Variants in DOCK3 observed in about 807,000 individuals in gnomAD.
The protein encoded by DOCK3 is dedicator of cytokinesis 3.
Under a neutral mutation model 265.6 loss-of-function variants are expected in DOCK3, and 60 were observed. That is an observed-to-expected ratio of 0.23 (90% CI 0.18 to 0.28). The LOEUF (loss-of-function observed/expected upper bound fraction) is 0.28, where lower values mean the gene tolerates loss of function less well. Among genes scored for constraint, DOCK3 ranks in the 10% least tolerant of loss-of-function variants. The pLI is 1.00. For synonymous variants in DOCK3, 881 were observed against 938.0 expected, an observed-to-expected ratio of 0.94 and a Z score of 1.11; for missense variants, 1,981 against 2,594.3, an observed-to-expected ratio of 0.76 and a Z score of 5.14.
intron 1 of DOCK3, among the ~76,000 whole-genome samples, chr3:50,727,243 A>G (rs879657668): frequency 6.6e-6 from 1 of 152,264 alleles, no homozygotes; most frequent in South Asian, 2.1e-4. Flanking sequence ...GAGGAAAAGT[A>G]CTTTAAAGAT....
chr3:51,057,962 GC>G (rs1292094297), intron 5 of DOCK3, among the ~76,000 whole-genome samples: 1 of 152,124 alleles, frequency 6.6e-6, no homozygotes, highest in Non-Finnish European at 1.5e-5. Flanking sequence ...ACCATCCAAA[GC>G]TTAGTGGCTT....
In DOCK3 at chr3:51,381,573, G is replaced by A. The variant is rs781866623; in HGVS notation, c.*14G>A. The A allele has an allele frequency of 5.4e-5, 81 of 1,490,918 alleles. No individual in the cohort carries two copies. Among genetic ancestry groups the A allele is most frequent in the Non-Finnish European group, 6.9e-5 (78 of 1,125,260 alleles). 92.4% of individuals were successfully genotyped at this position (1,490,918 alleles called of 1,614,324 possible). A position where few individuals can be genotyped will look rare whatever the true frequency, so the allele number is the denominator to read the frequency against. On this transcript the variant is annotated 3_prime_UTR_variant, in exon 53 of 53. Coordinates refer to ENST00000266037, the MANE Select transcript of DOCK3 (RefSeq NM_004947.5). The surrounding 1 kb of genome is among the most constrained non-coding windows in gnomAD (Gnocchi z 5.6). ...GGGGAGCAGTGAGGGGCAACGAGGC[G>A]GCTGGGATGCCGCCCTCAGTAAGCA...
At chr3:50,764,656 A>C (rs945895389) in intron 1 of DOCK3, among the ~76,000 whole-genome samples, 1 of 152,208 alleles carries the variant, frequency 6.6e-6, no homozygotes, top group African/African-American at 2.4e-5. Context: ...AAATTTAAGA[A>C]TTAGCAGCTC....
At chr3:51,370,087 C>T (rs1475109969) in intron 49 of DOCK3, among the ~76,000 whole-genome samples, 1 of 152,150 alleles carries the variant, frequency 6.6e-6, no homozygotes, top group East Asian at 1.9e-4. Flanking sequence ...AAGCTGCAGA[C>T]ATAGAGAAGG....
intron 27 of DOCK3, among the ~76,000 whole-genome samples, chr3:51,291,713 A>C (rs958390874): frequency 1.3e-5 from 2 of 152,212 alleles, no homozygotes; most frequent in African/African-American, 4.8e-5. Flanking sequence ...TTTCTTAAAA[A>C]TTGAAGAGGA....
At chr3:50,818,289 T>TG (rs2044206465) in intron 2 of DOCK3, among the ~76,000 whole-genome samples, 1 of 152,268 alleles carries the variant, frequency 6.6e-6, no homozygotes, top group Non-Finnish European at 1.5e-5. Context: ...CTGAATTGTC[T>TG]GATGCCTTGA....
intron 5 of DOCK3, among the ~76,000 whole-genome samples, chr3:51,023,727 C>T (rs991232202): frequency 2.0e-5 from 3 of 152,088 alleles, no homozygotes; most frequent in African/African-American, 4.8e-5. Context: ...TTGATTTTTT[C>T]TTTATAGTTA....
In DOCK3 at chr3:50,808,137, A is replaced by G. The variant is rs77907284; in HGVS notation, c.121+29379A>G. On this transcript the variant is annotated intron_variant, in intron 2 of 52. Transcript: ENST00000266037. ...TATTTATAGTAGTATCAAATGTATCAAATGCTAAGGAATGAAATCTAATAA... is the reference window on the plus strand; with the variant it reads ...TATTTATAGTAGTATCAAATGTATCGAATGCTAAGGAATGAAATCTAATAA... 2.5e-3 allele frequency among the ~76,000 whole-genome samples: 385 copies of G among 152,370 alleles called. 14 individuals carry two copies. The East Asian group carries it at 0.057, about 22-fold the overall frequency.
intron 3 of DOCK3, among the ~76,000 whole-genome samples, chr3:50,888,591 T>G (rs928532859): frequency 1.3e-5 from 2 of 152,048 alleles, no homozygotes; most frequent in African/African-American, 2.4e-5. Flanking sequence ...GGAGGCATCA[T>G]GCTACCTGAC....
intron 3 of DOCK3, among the ~76,000 whole-genome samples, chr3:50,857,827 G>A (rs1304391619): frequency 2.0e-5 from 3 of 152,212 alleles, no homozygotes; most frequent in African/African-American, 7.2e-5. Context: ...TACACTGTTG[G>A]TGGGAGTGTA....
At chr3:51,068,112 A>G (rs1376238906) in intron 6 of DOCK3, among the ~76,000 whole-genome samples, 2 of 152,198 alleles carry the variant, frequency 1.3e-5, no homozygotes, top group Non-Finnish European at 2.9e-5. Flanking sequence ...AAGCTCTTAC[A>G]CAGACATTAT....
chr3:50,791,072 T>C (rs2042451456), intron 2 of DOCK3, among the ~76,000 whole-genome samples: 1 of 152,100 alleles, frequency 6.6e-6, no homozygotes, highest in African/African-American at 2.4e-5. Context: ...TTTACTCTGT[T>C]GATAGTTTCT....
chr3:51,077,066 A>C (rs2082080579), intron 7 of DOCK3, among the ~76,000 whole-genome samples: 2 of 152,186 alleles, frequency 1.3e-5, no homozygotes, highest in Admixed American at 6.5e-5. Flanking sequence ...ATAAAATGCA[A>C]AAGACTGGAA....
At chr3:50,906,645 A>T (rs1438023476) in intron 4 of DOCK3, among the ~76,000 whole-genome samples, 1 of 151,486 alleles carries the variant, frequency 6.6e-6, no homozygotes, top group Non-Finnish European at 1.5e-5. Context: ...CTATTTGGTT[A>T]TTCTCTCTTT....
chr3:51,134,281 T>G (rs979465706), intron 9 of DOCK3, among the ~76,000 whole-genome samples: 1 of 152,126 alleles, frequency 6.6e-6, no homozygotes, highest in Non-Finnish European at 1.5e-5. Flanking sequence ...TTTATATTCC[T>G]TTGGGTATAC....
chr3:50,705,623 G>T (rs181772803), intron 1 of DOCK3, among the ~76,000 whole-genome samples: 54 of 152,128 alleles, frequency 3.5e-4, no homozygotes, highest in African/African-American at 1.3e-3. Flanking sequence ...CACCATGCTG[G>T]CCAGGCTGGT....
intron 22 of DOCK3, among the ~76,000 whole-genome samples, chr3:51,249,311 C>T (rs561939644): frequency 1.4e-5 from 2 of 140,904 alleles, no homozygotes; most frequent in South Asian, 2.3e-4. Context: ...CCAGCCGCCC[C>T]GTCCGGGAGG....
At chr3:50,805,709 G>C (rs570036725) in intron 2 of DOCK3, among the ~76,000 whole-genome samples, 1 of 152,276 alleles carries the variant, frequency 6.6e-6, no homozygotes, top group East Asian at 1.9e-4. Flanking sequence ...CATCTGATCT[G>C]GATTTTGCCC....
intron 5 of DOCK3, among the ~76,000 whole-genome samples, chr3:50,999,248 GT>G (rs2078388648): frequency 6.6e-6 from 1 of 152,174 alleles, no homozygotes; most frequent in Non-Finnish European, 1.5e-5. Flanking sequence ...TATATTGTCA[GT>G]TTTTCAGCTT....
Sources: allele counts gnomAD v4.1 joint callset (sites outside exome capture counted in the v4.1 genomes callset), GRCh38; gene constraint gnomAD v4.1.1; non-coding constraint Gnocchi (gnomAD v3.1); transcripts MANE v1.5; gene names NCBI Gene and HGNC (gene_info 2026-07-23, HGNC 2026-07-21).